Variants in WWOX observed in about 807,000 individuals in gnomAD.
WWOX encodes WW domain containing oxidoreductase.
A neutral mutation model predicts 46.2 loss-of-function variants in WWOX; 69 were observed. The observed-to-expected ratio is 1.49, with a 90% CI of 1.23 to 1.82. WWOX has a LOEUF of 1.82. Among genes scored for constraint, WWOX ranks in the 40% most tolerant of loss-of-function variants. The probability of loss-of-function intolerance (pLI) is 0.00; values close to 1 mark genes in which losing one functional copy is unlikely to be tolerated. For synonymous variants in WWOX, 359 were observed against 202.6 expected, an observed-to-expected ratio of 1.77 and a Z score of -6.56; for missense variants, 919 against 542.6, an observed-to-expected ratio of 1.69 and a Z score of -6.89.
At chr16:78,485,088 C>T (rs1357671621) in intron 8 of WWOX, among the ~76,000 whole-genome samples, 4 of 152,024 alleles carry the variant, frequency 2.6e-5, no homozygotes, top group Admixed American at 6.6e-5. Context: ...CTGGGATTCC[C>T]AGCCGGAAAG....
chr16:78,804,959 T>C (rs8043588), intron 8 of WWOX, among the ~76,000 whole-genome samples: 116,840 of 151,822 alleles, frequency 0.77, 45,546 homozygotes, highest in Middle Eastern at 0.87. Flanking sequence ...CCAATGTCTA[T>C]GGATGGTTTC....
chr16:78,851,939 C>T (rs2052454506), intron 8 of WWOX, among the ~76,000 whole-genome samples: 1 of 152,148 alleles, frequency 6.6e-6, no homozygotes, highest in Non-Finnish European at 1.5e-5. Flanking sequence ...TTGCTAAAGC[C>T]TCTTGGTTTC....
chr16:78,977,872 C>G (rs1013350928), intron 8 of WWOX, among the ~76,000 whole-genome samples: 5 of 152,276 alleles, frequency 3.3e-5, no homozygotes, highest in African/African-American at 1.2e-4. Context: ...TTTTTGTTTT[C>G]CCCTACTTTT....
At chr16:78,615,469 C>T (rs1214136818) in intron 8 of WWOX, among the ~76,000 whole-genome samples, 1 of 151,992 alleles carries the variant, frequency 6.6e-6, no homozygotes, top group African/African-American at 2.4e-5. Context: ...GGCAGCATAG[C>T]ACGACCCATC....
At chr16:79,009,932 T>A (rs947737623) in intron 8 of WWOX, among the ~76,000 whole-genome samples, 5 of 152,180 alleles carry the variant, frequency 3.3e-5, no homozygotes, top group African/African-American at 9.7e-5. Flanking sequence ...ATTTGATAAT[T>A]TGTCTATTAA....
chr16:78,958,381 A>G (rs1357133887), intron 8 of WWOX, among the ~76,000 whole-genome samples: 1 of 152,226 alleles, frequency 6.6e-6, no homozygotes, highest in Non-Finnish European at 1.5e-5. Flanking sequence ...CCCCCATGGA[A>G]ATATATACTT....
At chr16:79,151,137 G>T (rs1410962010) in intron 8 of WWOX, among the ~76,000 whole-genome samples, 1 of 151,064 alleles carries the variant, frequency 6.6e-6, no homozygotes, top group Non-Finnish European at 1.5e-5. Flanking sequence ...CATTTCCCCA[G>T]AAAATTCCCC....
intron 5 of WWOX, 108 bp downstream of exon 5, chr16:78,164,397 G>A (rs952631291): frequency 2.0e-6 from 2 of 990,474 alleles, no homozygotes; most frequent in East Asian, 2.6e-5. Context: ...TTGGAATCAT[G>A]TCTTTATTTT....
chr16:78,977,159 T>C (rs979730617), intron 8 of WWOX, among the ~76,000 whole-genome samples: 7 of 152,212 alleles, frequency 4.6e-5, no homozygotes, highest in African/African-American at 7.2e-5. Flanking sequence ...TGGTACCCTA[T>C]ATATCATTCA....
At chr16:79,111,832 G>A (rs1352341278) in intron 8 of WWOX, among the ~76,000 whole-genome samples, 4 of 152,138 alleles carry the variant, frequency 2.6e-5, no homozygotes, top group Admixed American at 1.3e-4. Flanking sequence ...TGTGTCCACT[G>A]GGCCTGGCAG....
At chr16:78,842,538 A>G (rs1251238212) in intron 8 of WWOX, among the ~76,000 whole-genome samples, 1 of 152,102 alleles carries the variant, frequency 6.6e-6, no homozygotes, top group African/African-American at 2.4e-5. Flanking sequence ...TGAGTGGGAA[A>G]GGATCTAAGA....
At chr16:78,156,806 C>A (rs1036372418) in intron 4 of WWOX, among the ~76,000 whole-genome samples, 1 of 152,164 alleles carries the variant, frequency 6.6e-6, no homozygotes, top group African/African-American at 2.4e-5. Flanking sequence ...CGCCTGTAAT[C>A]CCAGTTGCTG....
At chr16:79,034,336 T>C (rs923096477) in intron 8 of WWOX, among the ~76,000 whole-genome samples, 1 of 152,192 alleles carries the variant, frequency 6.6e-6, no homozygotes, top group Non-Finnish European at 1.5e-5. Context: ...CATTTGGGCA[T>C]TGTATATGTT....
chr16:78,108,928 C>G (rs1034516413), intron 2 of WWOX, among the ~76,000 whole-genome samples: 3 of 152,178 alleles, frequency 2.0e-5, no homozygotes, highest in African/African-American at 7.2e-5. Flanking sequence ...CTGGAGGTTG[C>G]AGTGAGCCAA....
At chr16:78,352,284 T>C (rs984548677) in intron 5 of WWOX, among the ~76,000 whole-genome samples, 1 of 152,238 alleles carries the variant, frequency 6.6e-6, no homozygotes, top group Non-Finnish European at 1.5e-5. Flanking sequence ...TAATAAATTT[T>C]CTCAATGTTA....
chr16:78,553,723 G>A (rs1460777602), intron 8 of WWOX, among the ~76,000 whole-genome samples: 1 of 152,064 alleles, frequency 6.6e-6, no homozygotes, highest in African/African-American at 2.4e-5. Flanking sequence ...TGAGGGAGGA[G>A]GCCTGGGAGA....
intron 8 of WWOX, among the ~76,000 whole-genome samples, chr16:78,531,118 G>A (rs1451551019): frequency 6.6e-6 from 1 of 152,016 alleles, no homozygotes; most frequent in African/African-American, 2.4e-5. Flanking sequence ...CATGAGTCTT[G>A]GCATCTTTTT....
At chr16:79,117,596 A>G (rs1320447350) in intron 8 of WWOX, among the ~76,000 whole-genome samples, 3 of 152,238 alleles carry the variant, frequency 2.0e-5, no homozygotes, top group Non-Finnish European at 4.4e-5. Context: ...CCTAGCTCTC[A>G]AAGTCCTAGA....
Position 78,164,192 on chromosome 16 carries a change from C to A in WWOX, c.419C>A (p.Thr140Asn), listed in dbSNP as rs750464034. The stretch of plus-strand genomic sequence containing the variant: ...TTCCTTTAAACCATAGGGTTCGAAA[C>A]CGCCAAGTCTTTTGCCCTCCATGGT... Reference protein sequence around the residue: ...TGANSGIGFETAKSFALHGAH... With the variant: ...TGANSGIGFENAKSFALHGAH... Residue 140 changes from threonine to asparagine, a missense_variant, in exon 5 of 9, where the codon ACC becomes AAC. Transcript: ENST00000566780. The A allele has an allele frequency of 5.6e-6, 9 of 1,613,898 alleles. No homozygotes were observed. The African/African-American group carries it at 1.2e-4, about 22-fold the overall frequency.
Sources: gnomAD v4.1 joint callset for allele counts (sites outside exome capture counted in the v4.1 genomes callset) on GRCh38, gnomAD v4.1.1 for gene constraint, MANE v1.5 for transcripts, NCBI Gene and HGNC (gene_info 2026-07-23, HGNC 2026-07-21) for gene names.